FAM184A: variants seen among roughly 807,000 people sequenced by gnomAD.
FAM184A encodes protein FAM184A.
Under a neutral mutation model 143.8 loss-of-function variants are expected in FAM184A, and 99 were observed. The observed-to-expected ratio is 0.69, with a 90% CI of 0.58 to 0.81. FAM184A has a LOEUF of 0.81. Among genes scored for constraint, FAM184A ranks in the 40% least tolerant of loss-of-function variants. The pLI, the probability that FAM184A is intolerant of heterozygous loss-of-function variation, is 0.00. For synonymous variants in FAM184A, 427 were observed against 446.4 expected (o/e 0.96, Z 0.55); for missense variants, 1,217 against 1,310.5 (o/e 0.93, Z 1.10).
rs1562461010 is a variant in FAM184A, at chr6:118,984,157, A to AT, written c.2089-3808_2089-3807insA. Among the ~76,000 whole-genome samples the AT allele has an allele frequency of 9.4e-3, 1,134 of 120,416 alleles. 14 individuals are homozygous for AT. Among genetic ancestry groups the AT allele is most frequent in the African/African-American group, 0.021 (650 of 30,302 alleles). The allele number at this position is 120,416 out of a possible 152,430, so 79.0% of individuals were successfully genotyped here. A position where few individuals can be genotyped will look rare whatever the true frequency, so the allele number is the denominator to read the frequency against. Reference sequence around the variant, plus strand: ...GATAACGAAACTCCATTTAAAAAAAAAATATATATATATATATATATTTAT... The same window carrying AT: ...GATAACGAAACTCCATTTAAAAAAAATAATATATATATATATATATATTTAT... On this transcript the variant is annotated intron_variant, in intron 9 of 17. Transcript: ENST00000338891.
At chr6:119,048,623 G>A (rs528040351) in intron 1 of FAM184A, among the ~76,000 whole-genome samples, 113 of 152,196 alleles carry the variant, frequency 7.4e-4, no homozygotes, top group Admixed American at 2.6e-3. Flanking sequence ...AGGCAATTCC[G>A]TTCACAATTG....
In FAM184A at chr6:118,969,996, AT is replaced by A; in HGVS notation, c.2916-3045del. On this transcript the variant is annotated intron_variant, in intron 14 of 17. Coordinates refer to ENST00000338891, the MANE Select transcript of FAM184A (RefSeq NM_024581.6). ...TTGTTTGGGTGTATATATATATAAT[AT>A]ATATATATATATTTTTTTTTTTTTG... 1.7e-4 allele frequency among the ~76,000 whole-genome samples: 5 copies of A among 29,794 alleles called. No individual in the cohort carries two copies. In the South Asian group the frequency reaches 3.0e-3, roughly 18 times the overall value. 19.5% of individuals were successfully genotyped at this position (29,794 alleles called of 152,430 possible).
chr6:119,130,983 G>A (rs1789520814), intron 1 of FAM184A, among the ~76,000 whole-genome samples: 6 of 150,726 alleles, frequency 4.0e-5, no homozygotes. Flanking sequence ...TCATCCTCCT[G>A]AAGTAGCTGG....
chr6:119,025,395 A>C, intron 1 of FAM184A: 1 of 513,076 alleles, frequency 1.9e-6, no homozygotes, highest in Non-Finnish European at 3.9e-6. Flanking sequence ...TCTCTCTTCA[A>C]GTTTCTAGTG....
rs146239341 is a variant in FAM184A at position 119,097,070 on chromosome 6, C to T, written c.-202+52008G>A. On this transcript the variant is annotated intron_variant, in intron 1 of 16. Coordinates refer to the FAM184A transcript ENST00000352896. ...GGGGCCAGAAGAGGCAATAAGAGTC[C>T]AGATTTAGAAAAATCCTATCAGAAG... Among the ~76,000 whole-genome samples, 7 of 152,180 alleles carry T rather than the reference C, an allele frequency of 4.6e-5. No homozygotes were observed. In the East Asian group the frequency reaches 1.4e-3, roughly 29 times the overall value.
chr6:119,033,822 T>C (rs1484546507), intron 1 of FAM184A, among the ~76,000 whole-genome samples: 1 of 149,028 alleles, frequency 6.7e-6, no homozygotes, highest in Non-Finnish European at 1.5e-5. Flanking sequence ...CAAAACCCCA[T>C]CTCTACTAAA....
intron 9 of FAM184A, among the ~76,000 whole-genome samples, chr6:118,989,024 C>T (rs1034258599): frequency 6.9e-6 from 1 of 145,264 alleles, no homozygotes; most frequent in African/African-American, 2.6e-5. Context: ...TGCAGTGGCA[C>T]GATCTCGGCT....
upstream of FAM184A, among the ~76,000 whole-genome samples, chr6:119,082,748 T>A (rs142236334): frequency 2.0e-5 from 3 of 152,348 alleles, no homozygotes; most frequent in Admixed American, 2.0e-4. Flanking sequence ...CCATGGCTGC[T>A]TTCATGGGCC....
chr6:118,979,323 T>TA, intron 11 of FAM184A, 42 bp downstream of exon 11: 1 of 1,523,684 alleles, frequency 6.6e-7, no homozygotes, highest in African/African-American at 1.4e-5. Flanking sequence ...ATGTTAAAAA[T>TA]GTACATATGA....
intron 1 of FAM184A, among the ~76,000 whole-genome samples, chr6:119,109,018 C>CT (rs1788862442): frequency 7.0e-6 from 1 of 143,668 alleles, no homozygotes; most frequent in African/African-American, 3.0e-5. Context: ...CCTTTCTTGT[C>CT]TTTTTTCCTT....
chr6:119,047,113 C>A (rs991048332), intron 1 of FAM184A, among the ~76,000 whole-genome samples: 2 of 151,514 alleles, frequency 1.3e-5, no homozygotes, highest in African/African-American at 4.8e-5. Flanking sequence ...AAATGGCAAA[C>A]AGGCATATAA....
At chr6:119,055,567 T>C (rs1186625928) in intron 1 of FAM184A, among the ~76,000 whole-genome samples, 1 of 152,224 alleles carries the variant, frequency 6.6e-6, no homozygotes, top group Non-Finnish European at 1.5e-5. Context: ...TGTCAATTTT[T>C]TTATTACAGC....
intron 9 of FAM184A, among the ~76,000 whole-genome samples, chr6:118,988,804 C>G (rs913621979): frequency 6.6e-6 from 1 of 152,098 alleles, no homozygotes; most frequent in African/African-American, 2.4e-5. Flanking sequence ...CTACATACCC[C>G]TCCCTCCTAA....
rs371000941 is a variant in FAM184A, at chr6:118,961,232, T to A, written c.3341+529A>T. Among the ~76,000 whole-genome samples the A allele has an allele frequency of 3.7e-4, 56 of 151,872 alleles. No homozygotes were observed. The East Asian group carries it at 9.2e-3, about 25-fold the overall frequency. On this transcript the variant is annotated intron_variant, in intron 17 of 17. Transcript: ENST00000338891. The stretch of plus-strand genomic sequence containing the variant: ...GCAAGGTAAAAAATTGGAATGGAAA[T>A]TTTTAAAATTATTTATTTTTTCTAA...
chr6:119,137,327 AG>A (rs1789699303), intron 1 of FAM184A, among the ~76,000 whole-genome samples: 1 of 149,294 alleles, frequency 6.7e-6, no homozygotes, highest in Non-Finnish European at 1.5e-5. Context: ...AGACAGAGAG[AG>A]AGAAGAGAGA....
intron 1 of FAM184A, among the ~76,000 whole-genome samples, chr6:119,032,537 A>G (rs1157470905): frequency 7.5e-6 from 1 of 133,748 alleles, no homozygotes; most frequent in East Asian, 2.4e-4. Flanking sequence ...AGGGAGAGGG[A>G]GAGGGAGAGG....
chr6:119,111,805 T>A (rs189817112), intron 1 of FAM184A, among the ~76,000 whole-genome samples: 284 of 152,356 alleles, frequency 1.9e-3, no homozygotes, highest in Non-Finnish European at 3.3e-3. Flanking sequence ...TAGGGTAATT[T>A]GGGCAACTCA....
In FAM184A at chr6:119,016,869, C is replaced by T; in HGVS notation, c.1408G>A (p.Glu470Lys). The T allele has an allele frequency of 6.2e-7, 1 of 1,614,070 alleles. No homozygotes were observed. The highest frequency in any genetic ancestry group is 8.5e-7 in the Non-Finnish European group (1 of 1,179,926). Residue 470 changes from glutamate (E) to lysine (K), a missense_variant, in exon 5 of 18, where the codon GAG (glutamate) becomes AAG (lysine). Physicochemically the swap from Glu to Lys is moderately conservative, Grantham distance 56. Transcript: ENST00000338891. ...GCCTCGTTTAATTGAGTCACCTCCTCTTCCAATCTACTTTGCAGGTTTTTA... is the reference window on the plus strand; with the variant it reads ...GCCTCGTTTAATTGAGTCACCTCCTTTTCCAATCTACTTTGCAGGTTTTTA... The part of the protein sequence containing the change: ...ELKNLQSRLE[E>K]EVTQLNEAHS...
chr6:118,971,717 A>G (rs1783702267), intron 14 of FAM184A, among the ~76,000 whole-genome samples: 1 of 152,242 alleles, frequency 6.6e-6, no homozygotes, highest in Non-Finnish European at 1.5e-5. Context: ...GCGGATTTGT[A>G]ATAATCATCA....
Sources: allele counts gnomAD v4.1 joint callset (sites outside exome capture counted in the v4.1 genomes callset), GRCh38; gene constraint gnomAD v4.1.1; transcripts MANE v1.5; gene names NCBI Gene and HGNC (gene_info 2026-07-23, HGNC 2026-07-21).